Variants in PCDHGB1 observed in about 807,000 individuals in gnomAD.
PCDHGB1 encodes protocadherin gamma subfamily B, 1.
Under a neutral mutation model 56.6 loss-of-function variants are expected in PCDHGB1, and 34 were observed. The observed-to-expected ratio is 0.60, with a 90% CI of 0.46 to 0.80. The LOEUF (loss-of-function observed/expected upper bound fraction) is 0.80, where lower values mean the gene tolerates loss of function less well. PCDHGB1 is among the 30% of genes least tolerant of loss of function. The pLI is 0.00. For synonymous variants in PCDHGB1, 561 were observed against 505.9 expected, an observed-to-expected ratio of 1.11 and a Z score of -1.46; for missense variants, 1,278 against 1,204.6, an observed-to-expected ratio of 1.06 and a Z score of -0.90.
At chr5:141,415,810 T>TATATATC in intron 1 of PCDHGB1, 1 of 1,360,418 alleles carries the variant, frequency 7.4e-7, no homozygotes, top group Non-Finnish European at 9.5e-7. Flanking sequence ...AATCAAGGCC[T>TATATATC]ATATATCATA....
At chr5:141,465,467 C>T (rs2099103834) in intron 1 of PCDHGB1, among the ~76,000 whole-genome samples, 1 of 152,178 alleles carries the variant, frequency 6.6e-6, no homozygotes, top group Non-Finnish European at 1.5e-5. Flanking sequence ...CCAAATTGCC[C>T]TTGCTTCATG....
intron 1 of PCDHGB1, among the ~76,000 whole-genome samples, chr5:141,448,016 G>A (rs903673535): frequency 6.6e-6 from 1 of 152,006 alleles, no homozygotes; most frequent in South Asian, 2.1e-4. Context: ...AACCCAGGAG[G>A]TGGAGGTTGC....
intron 1 of PCDHGB1, chr5:141,383,844 T>C (rs569088165): frequency 2.5e-6 from 4 of 1,613,924 alleles, no homozygotes; most frequent in Non-Finnish European, 3.4e-6. Context: ...CTGCCTTCTA[T>C]GAAATGGAGG....
At chr5:141,465,826 T>A (rs1402342209) in intron 1 of PCDHGB1, among the ~76,000 whole-genome samples, 1 of 151,994 alleles carries the variant, frequency 6.6e-6, no homozygotes, top group Non-Finnish European at 1.5e-5. Context: ...CACATTTGTT[T>A]AAAATTTCAA....
At chr5:141,422,330 CTCT>C in intron 1 of PCDHGB1, 1 of 1,548,166 alleles carries the variant, frequency 6.5e-7, no homozygotes, top group East Asian at 2.2e-5. Context: ...ACAGTGATTG[CTCT>C]TCTAAATGTG....
At chr5:141,369,149 A>T (rs955742773) in intron 1 of PCDHGB1, among the ~76,000 whole-genome samples, 2 of 152,224 alleles carry the variant, frequency 1.3e-5, no homozygotes, top group African/African-American at 4.8e-5. Flanking sequence ...ATGGCATGTT[A>T]TTGACCAGGG....
At chr5:141,394,260 G>C in intron 1 of PCDHGB1, 1 of 1,613,920 alleles carries the variant, frequency 6.2e-7, no homozygotes, top group Non-Finnish European at 8.5e-7. Flanking sequence ...CGACAGCCAG[G>C]AGAATGCCCA....
rs751567991 is a variant in PCDHGB1 at position 141,398,180 on chromosome 5, T to C, written c.2409+45511T>C. ...CGGGCTGAGAGGCTGCCAGTGCTCT[T>C]TCTCTTCCTGCTGTCTTTGTTCTGC... On this transcript the variant is annotated intron_variant, in intron 1 of 3. Coordinates refer to ENST00000523390, the MANE Select transcript of PCDHGB1 (RefSeq NM_018922.3). 3 of 1,473,764 alleles carry C rather than the reference T, an allele frequency of 2.0e-6. No individual in the cohort carries two copies. The African/African-American group carries it at 4.3e-5, about 21-fold the overall frequency. The allele number at this position is 1,473,764 out of a possible 1,614,324, so 91.3% of individuals were successfully genotyped here. A position where few individuals can be genotyped will look rare whatever the true frequency, so the allele number is the denominator to read the frequency against.
At chr5:141,434,698 A>G (rs2097710714) in intron 1 of PCDHGB1, among the ~76,000 whole-genome samples, 1 of 152,070 alleles carries the variant, frequency 6.6e-6, no homozygotes, top group South Asian at 2.1e-4. Context: ...GTTAATAAAT[A>G]TGTGGGTAAA....
chr5:141,356,796 G>A (rs1760345671), intron 1 of PCDHGB1: 2 of 1,614,028 alleles, frequency 1.2e-6, no homozygotes, highest in Non-Finnish European at 8.5e-7. Context: ...AGCTGCTGAT[G>A]ACAGCCAGTG....
intron 1 of PCDHGB1, chr5:141,410,309 T>G: frequency 6.2e-7 from 1 of 1,613,998 alleles, no homozygotes; most frequent in Non-Finnish European, 8.5e-7. Flanking sequence ...CTCAGTGCTC[T>G]TCCTCCTCGC....
chr5:141,397,268 T>A (rs532503951), intron 1 of PCDHGB1, among the ~76,000 whole-genome samples: 2 of 152,298 alleles, frequency 1.3e-5, no homozygotes, highest in South Asian at 4.1e-4. Context: ...CTTAGCTACA[T>A]CATATGGGCA....
chr5:141,443,699 A>G (rs1433844997), intron 1 of PCDHGB1, among the ~76,000 whole-genome samples: 1 of 152,248 alleles, frequency 6.6e-6, no homozygotes, highest in African/African-American at 2.4e-5. Flanking sequence ...AAAATTATAG[A>G]ATAACATTTG....
rs2099403992 is a variant in PCDHGB1, at chr5:141,477,030, C to T, written c.2410-17777C>T. On this transcript the variant is annotated intron_variant, in intron 1 of 3. Transcript: ENST00000523390. This position sits in a 1 kb window ranked among gnomAD's most constrained non-coding sequence, Gnocchi z 4.9. ...TTAGACCTTGTAACCGGGATGCTGACAATCAAGGGTCGGCTGGACTTCGAG... is the reference window on the plus strand; with the variant it reads ...TTAGACCTTGTAACCGGGATGCTGATAATCAAGGGTCGGCTGGACTTCGAG... The T allele has an allele frequency of 1.2e-6, 2 of 1,614,272 alleles. No homozygotes were observed. The highest frequency in any genetic ancestry group is 1.6e-4 in the Middle Eastern group (1 of 6,062).
At chr5:141,433,285 C>G in intron 1 of PCDHGB1, 1 of 1,169,826 alleles carries the variant, frequency 8.5e-7, no homozygotes, top group Non-Finnish European at 1.2e-6. Flanking sequence ...CCTCAAACTC[C>G]TAGGCTCAAG....
chr5:141,362,099 C>T, intron 1 of PCDHGB1: 1 of 1,613,886 alleles, frequency 6.2e-7, no homozygotes, highest in South Asian at 1.1e-5. Context: ...CCGCCACTCT[C>T]CGCTACGGCC....
chr5:141,476,864 C>T lies in PCDHGB1; in HGVS notation c.2410-17943C>T, dbSNP rs1318457627. ...GCCTGTCTTCAACCAGTCCTTGTAC[C>T]GGGCGCGCGTCCTGGAGGATGCACC... is the stretch of plus-strand genomic sequence containing the variant. On this transcript the variant is annotated intron_variant, in intron 1 of 3. Coordinates refer to ENST00000523390, the MANE Select transcript of PCDHGB1 (RefSeq NM_018922.3). This position sits in a 1 kb window ranked among gnomAD's most constrained non-coding sequence, Gnocchi z 7.6. 4.3e-6 allele frequency: 7 copies of T among 1,613,838 alleles called. No homozygotes were observed. Among genetic ancestry groups the T allele is most frequent in the Non-Finnish European group, 5.9e-6 (7 of 1,180,044 alleles).
intron 1 of PCDHGB1, among the ~76,000 whole-genome samples, chr5:141,406,686 T>G (rs918855962): frequency 1.3e-5 from 2 of 152,244 alleles, no homozygotes; most frequent in African/African-American, 4.8e-5. Flanking sequence ...TAGGACATTC[T>G]TCTTTTCTAT....
At chr5:141,414,639 T>A in intron 1 of PCDHGB1, 1 of 1,613,966 alleles carries the variant, frequency 6.2e-7, no homozygotes, top group South Asian at 1.1e-5. Context: ...GCAAAGAGAA[T>A]GCCCAGATTA....
Sources: gnomAD v4.1 joint callset for allele counts (sites outside exome capture counted in the v4.1 genomes callset) on GRCh38, gnomAD v4.1.1 for gene constraint, Gnocchi (gnomAD v3.1) non-coding constraint, MANE v1.5 for transcripts, NCBI Gene and HGNC (gene_info 2026-07-23, HGNC 2026-07-21) for gene names.